The following RGS20 variants were observed in gnomAD, a reference collection of about 807,000 sequenced individuals.
RGS20 encodes the protein gz-selective GTPase-activating protein.
Under a neutral mutation model 33.6 loss-of-function variants are expected in RGS20, and 30 were observed. The observed-to-expected ratio is 0.89, with a 90% CI of 0.67 to 1.21. The LOEUF is 1.21. RGS20 is among the 50% of genes most tolerant of loss of function. The probability of loss-of-function intolerance (pLI) is 0.00; values close to 1 mark genes in which losing one functional copy is unlikely to be tolerated. For synonymous variants in RGS20, 208 were observed against 197.9 expected, an observed-to-expected ratio of 1.05 and a Z score of -0.43; for missense variants, 472 against 502.4, an observed-to-expected ratio of 0.94 and a Z score of 0.58.
chr8:53,934,457 C>G (rs1402374496), intron 2 of RGS20, among the ~76,000 whole-genome samples: 3 of 152,110 alleles, frequency 2.0e-5, no homozygotes, highest in Non-Finnish European at 4.4e-5. Flanking sequence ...CGTTGCAATC[C>G]TAGTCTCTGA....
intron 2 of RGS20, 120 bp downstream of exon 1, chr8:53,881,204 C>T (rs1022030827): frequency 7.2e-6 from 5 of 696,182 alleles, no homozygotes; most frequent in Non-Finnish European, 1.1e-5. Flanking sequence ...AGGGTGTCGC[C>T]GTTGCTGCGG....
At chr8:53,852,355 A>C (rs1295704235) in intron 1 of RGS20, among the ~76,000 whole-genome samples, 1 of 152,128 alleles carries the variant, frequency 6.6e-6, no homozygotes, top group Non-Finnish European at 1.5e-5. Flanking sequence ...ATCTAGACAG[A>C]TTTTGTGGCT....
chr8:53,921,404 C>T (rs1225995942), intron 2 of RGS20, among the ~76,000 whole-genome samples: 11 of 150,780 alleles, frequency 7.3e-5, no homozygotes, highest in Non-Finnish European at 1.0e-4. Context: ...TAGAATTCAC[C>T]GGTGAAACCA....
At chr8:53,867,176 G>C (rs1811939682) in intron 1 of RGS20, among the ~76,000 whole-genome samples, 1 of 151,986 alleles carries the variant, frequency 6.6e-6, no homozygotes, top group South Asian at 2.1e-4. Context: ...AGTGCCTCAG[G>C]AGAGCGGCAG....
chr8:53,890,583 G>A (rs913757468), intron 2 of RGS20, among the ~76,000 whole-genome samples: 1 of 152,184 alleles, frequency 6.6e-6, no homozygotes, highest in African/African-American at 2.4e-5. Flanking sequence ...AGGACTGAAG[G>A]GCTGATCACT....
chr8:53,871,509 T>G (rs572926636), intron 1 of RGS20, among the ~76,000 whole-genome samples: 1 of 151,768 alleles, frequency 6.6e-6, no homozygotes, highest in Admixed American at 6.6e-5. Flanking sequence ...CCCACCTACT[T>G]AGGAAGCTGA....
chr8:53,867,913 C>T (rs988281179), intron 1 of RGS20, among the ~76,000 whole-genome samples: 9 of 151,976 alleles, frequency 5.9e-5, no homozygotes, highest in Non-Finnish European at 7.4e-5. Context: ...TTTGTAGAGC[C>T]GGGGTTTTGC....
chr8:53,897,632 A>G (rs949043726), intron 2 of RGS20, among the ~76,000 whole-genome samples: 3 of 152,176 alleles, frequency 2.0e-5, no homozygotes, highest in Admixed American at 6.5e-5. Flanking sequence ...TAGCCTCTTT[A>G]CTAATCTTCC....
intron 4 of RGS20, among the ~76,000 whole-genome samples, chr8:53,952,706 A>G (rs1814745982): frequency 1.3e-5 from 2 of 152,234 alleles, no homozygotes; most frequent in Non-Finnish European, 2.9e-5. Context: ...AGCCTGGGCA[A>G]CAAAGAGAGA....
At chr8:53,861,773 A>G (rs1477753676) in intron 1 of RGS20, among the ~76,000 whole-genome samples, 4 of 152,254 alleles carry the variant, frequency 2.6e-5, no homozygotes, top group Non-Finnish European at 4.4e-5. Context: ...TAAGCTTATG[A>G]TCAGCAAATA....
intron 1 of RGS20, among the ~76,000 whole-genome samples, chr8:53,860,442 C>T (rs1349303440): frequency 2.0e-5 from 3 of 152,202 alleles, no homozygotes; most frequent in Admixed American, 1.3e-4. Context: ...ATATGCAAGA[C>T]ATTGTCTCAA....
At chr8:53,908,053 A>G (rs565236382) in intron 2 of RGS20, among the ~76,000 whole-genome samples, 5 of 152,336 alleles carry the variant, frequency 3.3e-5, no homozygotes, top group African/African-American at 1.2e-4. Context: ...TGACGCATTC[A>G]TGATGCTTGA....
At chr8:53,905,593 G>A (rs764119054) in intron 2 of RGS20, among the ~76,000 whole-genome samples, 2 of 152,114 alleles carry the variant, frequency 1.3e-5, no homozygotes, top group African/African-American at 2.4e-5. Context: ...TTCAGCTTAC[G>A]TCTCGGCTGC....
chr8:53,874,407 CGCGT>C (rs766208742), intron 1 of RGS20, among the ~76,000 whole-genome samples: 3 of 146,464 alleles, frequency 2.0e-5, no homozygotes, highest in African/African-American at 7.7e-5. Context: ...TGTGTGCGCG[CGCGT>C]GTGCTTGCGT....
chr8:53,876,918 C>T (rs1812221649), intron 1 of RGS20, among the ~76,000 whole-genome samples: 1 of 152,238 alleles, frequency 6.6e-6, no homozygotes, highest in South Asian at 2.1e-4. Flanking sequence ...TGTCTCGAAG[C>T]ACAGGACCGA....
At chr8:53,875,023 T>C (rs541477153) in intron 1 of RGS20, among the ~76,000 whole-genome samples, 4 of 152,208 alleles carry the variant, frequency 2.6e-5, no homozygotes, top group South Asian at 4.1e-4. Flanking sequence ...AATGATGTTT[T>C]TCGCCTGAAC....
At chr8:53,853,257 G>A (rs1585853943) in intron 1 of RGS20, among the ~76,000 whole-genome samples, 1 of 152,288 alleles carries the variant, frequency 6.6e-6, no homozygotes, top group East Asian at 1.9e-4. Flanking sequence ...TTGTATATGT[G>A]TGTATGTATA....
intron 2 of RGS20, among the ~76,000 whole-genome samples, chr8:53,890,412 G>A (rs1320889402): frequency 6.6e-6 from 1 of 151,978 alleles, no homozygotes; most frequent in Non-Finnish European, 1.5e-5. Context: ...CTGTGTGCCT[G>A]TATCCATTTT....
chr8:53,869,513 T>TA (rs1812007622), intron 1 of RGS20, among the ~76,000 whole-genome samples: 1 of 151,958 alleles, frequency 6.6e-6, no homozygotes, highest in Admixed American at 6.6e-5. Flanking sequence ...CTGTCTCTAC[T>TA]AAAAACACAA....
Sources: gnomAD v4.1 joint callset for allele counts (sites outside exome capture counted in the v4.1 genomes callset) on GRCh38, gnomAD v4.1.1 for gene constraint, MANE v1.5 for transcripts, NCBI Gene and HGNC (gene_info 2026-07-23, HGNC 2026-07-21) for gene names.